PLEKHG2: variants seen among roughly 807,000 people sequenced by gnomAD.
PLEKHG2 encodes the protein pleckstrin homology and RhoGEF domain containing G2, also known as pleckstrin homology domain-containing family G member 2.
Under a neutral mutation model 104.4 loss-of-function variants are expected in PLEKHG2, and 71 were observed. The observed-to-expected ratio is 0.68, with a 90% CI of 0.56 to 0.83. The LOEUF (loss-of-function observed/expected upper bound fraction) is 0.83, where lower values mean the gene tolerates loss of function less well. Among genes scored for constraint, PLEKHG2 ranks in the 40% least tolerant of loss-of-function variants. PLEKHG2 has a pLI of 0.00. For missense variants in PLEKHG2, 1,730 were observed against 1,809.4 expected (o/e 0.96, Z 0.80); for synonymous variants, 728 against 737.0 (o/e 0.99, Z 0.20).
rs1600666554 is a variant in PLEKHG2, at chr19:39,424,157, G to C, written c.3024G>C (p.Gln1008His). ...CATCCACCGCCTTTTGTCCTGAGCAGGGACACTGTGCGGACATCCACGTTC... is the reference window on the plus strand; with the variant it reads ...CATCCACCGCCTTTTGTCCTGAGCACGGACACTGTGCGGACATCCACGTTC... ...PAPSTAFCPE[Q>H]GHCADIHVPT... The change falls in exon 19 of 19, where the codon CAG (glutamine) becomes CAC (histidine). Residue 1008 changes from glutamine (Q) to histidine (H), a missense_variant. By Grantham distance (24) the Gln-to-His change is conservative (BLOSUM62 0). Transcript: ENST00000425673. 6.2e-7 allele frequency: 1 copy of C among 1,614,122 alleles called. No homozygotes were observed. The highest frequency in any genetic ancestry group is 1.1e-5 in the South Asian group (1 of 91,084).
At position 39,416,804 on chromosome 19, in the gene PLEKHG2, G is replaced by A. The variant is rs746557445; in HGVS notation, c.594-46G>A. The A allele has an allele frequency of 1.3e-5, 19 of 1,470,808 alleles. No individual in the cohort carries two copies. Among genetic ancestry groups the A allele is most frequent in the Admixed American group, 2.0e-5 (1 of 50,786 alleles). 91.1% of individuals were successfully genotyped at this position (1,470,808 alleles called of 1,614,324 possible). On this transcript the variant is annotated intron_variant, in intron 6 of 18. Transcript: ENST00000425673. The surrounding 1 kb of genome is among the most constrained non-coding windows in gnomAD (Gnocchi z 4.5). ...CCCCTCCCTAACCCCTCTTGACCCC[G>A]CCCACTGGAACTGACAATCCCCACT...
chr19:39,424,704 G>C lies in PLEKHG2; in HGVS notation c.3571G>C (p.Val1191Leu). The C allele has an allele frequency of 6.2e-7, 1 of 1,614,144 alleles. No homozygotes were observed. Among genetic ancestry groups the C allele is most frequent in the Non-Finnish European group, 8.5e-7 (1 of 1,180,016 alleles). ...GGAGCCAAGCCTTACAGATACACAG[G>C]TCCAAAAACTCACACCTTCGTTGGA... ...LPEPSLTDTQ[V>L]QKLTPSLEQK... Residue 1191 changes from valine (V) to leucine (L), a missense_variant, in exon 19 of 19, where the codon GTC becomes CTC. Physicochemically the swap from Val to Leu is conservative, Grantham distance 32. Coordinates refer to ENST00000425673, the MANE Select transcript of PLEKHG2 (RefSeq NM_022835.3).
Position 39,417,640 on chromosome 19 carries a change from C to G in PLEKHG2, c.830C>G (p.Ala277Gly), listed in dbSNP as rs904617879. ...EEAIVSMTAV[A>G]WYINDMKRKQ... Reference sequence around the variant, plus strand: ...GCTATTGTGTCCATGACAGCGGTTGCCTGGTACATCAACGACATGAAGCGC... The same window carrying G: ...GCTATTGTGTCCATGACAGCGGTTGGCTGGTACATCAACGACATGAAGCGC... The change falls in exon 8 of 19, where the codon GCC becomes GGC. Residue 277 changes from alanine to glycine, a missense_variant. Transcript: ENST00000425673. 6.2e-7 allele frequency: 1 copy of G among 1,613,876 alleles called. No homozygotes were observed. Among genetic ancestry groups the G allele is most frequent in the Non-Finnish European group, 8.5e-7 (1 of 1,180,006 alleles).
intron 7 of PLEKHG2, 64 bp downstream of exon 7, chr19:39,417,064 G>T: frequency 1.3e-6 from 2 of 1,509,698 alleles, no homozygotes; most frequent in Non-Finnish European, 1.8e-6. Context: ...CCACCTGTTG[G>T]TTCATCTGGA....
In PLEKHG2 at chr19:39,414,128, C is replaced by G. The variant is rs576060981; in HGVS notation, c.42C>G (p.Ser14Arg). Residue 14 changes from serine to arginine, a missense_variant, in exon 2 of 19, where the codon AGC (serine) becomes AGG (arginine). Physicochemically the swap from Ser to Arg is moderately radical, Grantham distance 110. Transcript: ENST00000425673. ...AAGGACTGAGCCTCTCCAAACCTAG[C>G]CCAAGCCTCGGGTGTGGCCGAAGAG... is the stretch of plus-strand genomic sequence containing the variant. ...GAQGLSLSKP[S>R]PSLGCGRRGE... is the part of the protein sequence containing the mutation. 4.4e-4 allele frequency: 676 copies of G among 1,551,604 alleles called. 13 individuals carry two copies. In the South Asian group the frequency reaches 7.7e-3, roughly 18 times the overall value.
chr19:39,422,888 C>A lies in PLEKHG2; in HGVS notation c.1834C>A (p.Leu612Ile). 1 of 1,592,360 alleles carries A rather than the reference C, an allele frequency of 6.3e-7. No homozygotes were observed. Among genetic ancestry groups the A allele is most frequent in the Non-Finnish European group, 8.6e-7 (1 of 1,167,738 alleles). ...GATGGATGAACGGGGGCCTTCCCCA[C>A]TCCACGTCCTGGAAGGGCTCGAAAG... ...LEMDERGPSP[L>I]HVLEGLESSI... Residue 612 changes from leucine to isoleucine, a missense_variant, in exon 18 of 19, where the codon CTC (leucine) becomes ATC (isoleucine). Physicochemically the swap from Leu to Ile is conservative, Grantham distance 5 (BLOSUM62 2). Coordinates refer to ENST00000425673, the MANE Select transcript of PLEKHG2 (RefSeq NM_022835.3).
At position 39,416,203 on chromosome 19, in the gene PLEKHG2, C is replaced by T. The variant is rs2078600147; in HGVS notation, c.480-145C>T. 2 of 785,528 alleles carry T rather than the reference C, an allele frequency of 2.5e-6. No individual in the cohort carries two copies. Among genetic ancestry groups the T allele is most frequent in the African/African-American group, 3.4e-5 (2 of 58,066 alleles). 48.7% of individuals were successfully genotyped at this position (785,528 alleles called of 1,614,324 possible). ...CCGTGTAGCCCTCAGAGGACCCTTC[C>T]TCCGGACATGACATCCCCTTAGGAG... On this transcript the variant is annotated intron_variant, in intron 4 of 18. Transcript: ENST00000425673. The surrounding 1 kb of genome is among the most constrained non-coding windows in gnomAD (Gnocchi z 4.5).
In PLEKHG2 at chr19:39,416,656, C is replaced by A; in HGVS notation, c.593+59C>A. 1 of 1,593,560 alleles carries A rather than the reference C, an allele frequency of 6.3e-7. No homozygotes were observed. Among genetic ancestry groups the A allele is most frequent in the South Asian group, 1.1e-5 (1 of 90,302 alleles). ...TGTGCCCACAAGCTGATGTGCCAGTCACCCGTCACCCTCCCTCTACCCCCG... is the reference window on the plus strand; with the variant it reads ...TGTGCCCACAAGCTGATGTGCCAGTAACCCGTCACCCTCCCTCTACCCCCG... On this transcript the variant is annotated intron_variant, in intron 6 of 18. Transcript: ENST00000425673. This position sits in a 1 kb window ranked among gnomAD's most constrained non-coding sequence, Gnocchi z 4.5.
chr19:39,421,742 G>C (rs1443393533), intron 16 of PLEKHG2: 2 of 220,200 alleles, frequency 9.1e-6, no homozygotes, highest in Non-Finnish European at 1.8e-5. Context: ...AATTGAGCCA[G>C]GTACGGTGGC....
At chr19:39,419,886 A>G (rs55784845) in intron 11 of PLEKHG2, among the ~76,000 whole-genome samples, 2,078 of 88,474 alleles carry the variant, frequency 0.023, 27 homozygotes, top group Non-Finnish European at 0.027. Context: ...TCTCAAAAAA[A>G]AAAAAGAAAA....
rs555857622 is a variant in PLEKHG2 at position 39,417,339 on chromosome 19, G to A, written c.745-216G>A. Among the ~76,000 whole-genome samples, 500 of 152,066 alleles carry A rather than the reference G, an allele frequency of 3.3e-3. 4 individuals carry two copies. Among genetic ancestry groups the A allele is most frequent in the Non-Finnish European group, 4.8e-3 (327 of 67,994 alleles). Reference sequence around the variant, plus strand: ...AGCTAATTTTTGTATTTTTAATAGGGACGGGGTTTCACTACGTTGGCCGGG... The same window carrying A: ...AGCTAATTTTTGTATTTTTAATAGGAACGGGGTTTCACTACGTTGGCCGGG... On this transcript the variant is annotated intron_variant, in intron 7 of 18. Coordinates refer to ENST00000425673, the MANE Select transcript of PLEKHG2 (RefSeq NM_022835.3).
rs763442225 is a variant in PLEKHG2 at position 39,422,889 on chromosome 19, T to C, written c.1835T>C (p.Leu612Pro). Reference sequence around the variant, plus strand: ...ATGGATGAACGGGGGCCTTCCCCACTCCACGTCCTGGAAGGGCTCGAAAGT... The same window carrying C: ...ATGGATGAACGGGGGCCTTCCCCACCCCACGTCCTGGAAGGGCTCGAAAGT... The part of the protein sequence containing the change: ...LEMDERGPSP[L>P]HVLEGLESSI... The change falls in exon 18 of 19, where the codon CTC (leucine) becomes CCC (proline). Residue 612 changes from leucine to proline, a missense_variant. Physicochemically the swap from Leu to Pro is moderately conservative, Grantham distance 98. Coordinates refer to ENST00000425673, the MANE Select transcript of PLEKHG2 (RefSeq NM_022835.3). 3 of 1,592,854 alleles carry C rather than the reference T, an allele frequency of 1.9e-6. No homozygotes were observed. Among genetic ancestry groups the C allele is most frequent in the Non-Finnish European group, 2.6e-6 (3 of 1,168,052 alleles).
chr19:39,413,338 C>T lies in PLEKHG2; in HGVS notation c.-97C>T, dbSNP rs2078547220. 1 of 152,236 alleles carries T rather than the reference C, an allele frequency of 6.6e-6. No homozygotes were observed. The highest frequency in any genetic ancestry group is 2.1e-4 in the South Asian group (1 of 4,834). The allele number at this position is 152,236 out of a possible 1,614,324, so 9.4% of individuals were successfully genotyped here. The stretch of plus-strand genomic sequence containing the variant: ...TTCACGCCCCTGAGTCTGGGCTCCG[C>T]ACCTCCCTGGGGACCGCGTCGGGGT... On this transcript the variant is annotated 5_prime_UTR_variant, in exon 1 of 19. Coordinates refer to ENST00000425673, the MANE Select transcript of PLEKHG2 (RefSeq NM_022835.3). This position sits in a 1 kb window ranked among gnomAD's most constrained non-coding sequence, Gnocchi z 4.5.
chr19:39,422,537 C>G (rs1442164728), intron 17 of PLEKHG2, among the ~76,000 whole-genome samples, 195 bp from the exon 18 acceptor site: 1 of 151,906 alleles, frequency 6.6e-6, no homozygotes, highest in Non-Finnish European at 1.5e-5. Context: ...GCCAACACAC[C>G]CGGCTAATTT....
At position 39,414,103 on chromosome 19, in the gene PLEKHG2, A is replaced by T. The variant is rs1039146270; in HGVS notation, c.17A>T (p.Gln6Leu). The T allele has an allele frequency of 8.4e-6, 13 of 1,551,436 alleles. No individual in the cohort carries two copies. Among genetic ancestry groups the T allele is most frequent in the Admixed American group, 2.0e-5 (1 of 51,008 alleles). Residue 6 changes from glutamine to leucine, a missense_variant, in exon 2 of 19, where the codon CAA (glutamine) becomes CTA (leucine). Coordinates refer to ENST00000425673, the MANE Select transcript of PLEKHG2 (RefSeq NM_022835.3). ...CGCTCAGCCATGCCTGAGGGAGCCC[A>T]AGGACTGAGCCTCTCCAAACCTAGC... MPEGA[Q>L]GLSLSKPSPS...
intron 11 of PLEKHG2, 79 bp from the exon 12 acceptor site, chr19:39,420,547 A>C: frequency 3.1e-6 from 5 of 1,589,178 alleles, no homozygotes; most frequent in Non-Finnish European, 3.5e-6. Flanking sequence ...ATTAATGGGC[A>C]TGACTACGGT....
rs146009399 is a variant in PLEKHG2 at position 39,421,973 on chromosome 19, C to T, written c.1504-142C>T. On this transcript the variant is annotated intron_variant, in intron 16 of 18. Transcript: ENST00000425673. ...CGGAGATTGCAGTGAGCAGAGATGG[C>T]GCCATTGCACTGCAGGCTGGGCGAC... is the stretch of plus-strand genomic sequence containing the variant. The T allele has an allele frequency of 5.7e-3, 4,561 of 800,450 alleles. 21 individuals carry two copies. The highest frequency in any genetic ancestry group is 9.7e-3 in the Admixed American group (268 of 27,712). 49.6% of individuals were successfully genotyped at this position (800,450 alleles called of 1,614,324 possible).
At position 39,414,171 on chromosome 19, in the gene PLEKHG2, G is replaced by A. The variant is rs1161238195; in HGVS notation, c.85G>A (p.Gly29Ser). ...CGRRGEVCDC[G>S]TVCETRTAPA... ...CCGAAGAGGTGAAGTGTGTGACTGT[G>A]GCACCGTGTGTGAGACTCGGACAGG... Residue 29 changes from glycine (G) to serine (S), a missense_variant, in exon 2 of 19, where the codon GGC becomes AGC. By Grantham distance (56) the Gly-to-Ser change is moderately conservative (BLOSUM62 0). Transcript: ENST00000425673. The A allele has an allele frequency of 6.4e-7, 1 of 1,551,512 alleles. No homozygotes were observed. Among genetic ancestry groups the A allele is most frequent in the East Asian group, 2.4e-5 (1 of 40,924 alleles).
At position 39,425,597 on chromosome 19, in the gene PLEKHG2, G is replaced by A. The variant is rs919273523; in HGVS notation, c.*303G>A. On this transcript the variant is annotated 3_prime_UTR_variant, in exon 19 of 19. Coordinates refer to ENST00000425673, the MANE Select transcript of PLEKHG2 (RefSeq NM_022835.3). ...AAGGTCTGACACAGAACAAATCAGC[G>A]GTTCTGAAAGCTTGGGGAATCTCAG... 1.7e-5 allele frequency: 7 copies of A among 421,684 alleles called. No individual in the cohort carries two copies. Among genetic ancestry groups the A allele is most frequent in the East Asian group, 7.1e-5 (2 of 28,244 alleles). 26.1% of individuals were successfully genotyped at this position (421,684 alleles called of 1,614,324 possible).
Sources: allele counts gnomAD v4.1 joint callset (sites outside exome capture counted in the v4.1 genomes callset), GRCh38; gene constraint gnomAD v4.1.1; non-coding constraint Gnocchi (gnomAD v3.1); transcripts MANE v1.5; gene names NCBI Gene and HGNC (gene_info 2026-07-23, HGNC 2026-07-21).